The following L3MBTL4 variants were observed in gnomAD, a reference collection of about 807,000 sequenced individuals.
The protein encoded by L3MBTL4 is L3MBTL histone methyl-lysine binding protein 4.
In L3MBTL4, 70 loss-of-function variants were observed where a neutral mutation model predicts 84.5. That is an observed-to-expected ratio of 0.83 (90% CI 0.68 to 1.01). The LOEUF (loss-of-function observed/expected upper bound fraction) is 1.01. L3MBTL4 is among the 50% of genes least tolerant of loss of function. L3MBTL4 has a pLI of 0.00. For synonymous variants in L3MBTL4, 274 were observed against 259.8 expected (o/e 1.05, Z -0.52); for missense variants, 715 against 754.8 (o/e 0.95, Z 0.62).
rs140526865 is a variant in L3MBTL4 at position 5,955,951 on chromosome 18, T to C, written c.*269A>G. On this transcript the variant is annotated 3_prime_UTR_variant, in exon 19 of 19. Transcript: ENST00000317931. ...GGTGGATGTGTGGGCTTCTTTGGTC[T>C]GTCTTGCAAACAAATCAGAGCTGAG... 484 of 326,336 alleles carry C rather than the reference T, an allele frequency of 1.5e-3. No individual in the cohort carries two copies. Among genetic ancestry groups the C allele is most frequent in the African/African-American group, 9.0e-3 (426 of 47,276 alleles). 20.2% of individuals were successfully genotyped at this position (326,336 alleles called of 1,614,324 possible).
rs973176592 is a variant in L3MBTL4, at chr18:6,377,290, T to G, written c.-91+37511A>C. Among the ~76,000 whole-genome samples, 11 of 152,194 alleles carry G rather than the reference T, an allele frequency of 7.2e-5. 1 individual carries two copies. Among genetic ancestry groups the G allele is most frequent in the African/African-American group, 2.7e-4 (11 of 41,452 alleles). On this transcript the variant is annotated intron_variant, in intron 1 of 18. Transcript: ENST00000317931. ...CCTCCTCTCCTGGCCGTGTCCACTT[T>G]TCTTCATACGAGTTTCCTGAGTTGG...
chr18:6,276,250 C>T (rs1293820664), intron 4 of L3MBTL4, among the ~76,000 whole-genome samples: 1 of 152,192 alleles, frequency 6.6e-6, no homozygotes, highest in Admixed American at 6.5e-5. Context: ...TAAAATGAAG[C>T]TGTGCCTGGA....
chr18:5,992,099 C>T (rs984528570), intron 16 of L3MBTL4, among the ~76,000 whole-genome samples: 6 of 152,142 alleles, frequency 3.9e-5, no homozygotes, highest in African/African-American at 1.4e-4. Flanking sequence ...CTCATGAACT[C>T]ATGGTCCAGC....
chr18:6,070,251 G>A (rs2057541117), intron 16 of L3MBTL4, among the ~76,000 whole-genome samples: 1 of 152,022 alleles, frequency 6.6e-6, no homozygotes, highest in Non-Finnish European at 1.5e-5. Flanking sequence ...TAGTAAAACT[G>A]CTAAAAATGA....
intron 13 of L3MBTL4, among the ~76,000 whole-genome samples, chr18:6,159,143 A>G (rs1598945353): frequency 6.6e-6 from 1 of 152,296 alleles, no homozygotes; most frequent in East Asian, 1.9e-4. Context: ...TGCCTCATGC[A>G]GCATTGCTGA....
chr18:5,959,877 C>T (rs534043610), intron 18 of L3MBTL4, among the ~76,000 whole-genome samples: 4 of 152,166 alleles, frequency 2.6e-5, no homozygotes, highest in Admixed American at 2.6e-4. Flanking sequence ...ACTGACCCAG[C>T]TTGGTCTCAC....
chr18:6,046,867 C>A, intron 16 of L3MBTL4: 1 of 632,432 alleles, frequency 1.6e-6, no homozygotes, highest in Non-Finnish European at 2.9e-6. Context: ...TATAAACTAA[C>A]CCCAAAACTA....
chr18:5,992,816 C>A (rs773153953), intron 16 of L3MBTL4, among the ~76,000 whole-genome samples: 1 of 152,204 alleles, frequency 6.6e-6, no homozygotes, highest in Admixed American at 6.5e-5. Flanking sequence ...CCAGAAGCCA[C>A]GCAGGTGCCG....
At chr18:6,030,831 C>T (rs1287287367) in intron 16 of L3MBTL4, 1 of 985,148 alleles carries the variant, frequency 1.0e-6, no homozygotes, top group Non-Finnish European at 1.2e-6. Flanking sequence ...CATTTTAAAA[C>T]AGGCACACTA....
intron 16 of L3MBTL4, among the ~76,000 whole-genome samples, chr18:6,022,922 G>A (rs1253252231): frequency 2.6e-5 from 4 of 152,172 alleles, no homozygotes; most frequent in Non-Finnish European, 5.9e-5. Flanking sequence ...CACACTGCTC[G>A]GGTTTGACTC....
chr18:6,348,395 C>T (rs1263862316), intron 1 of L3MBTL4, among the ~76,000 whole-genome samples: 1 of 151,954 alleles, frequency 6.6e-6, no homozygotes, highest in Non-Finnish European at 1.5e-5. Flanking sequence ...AACAGCATGA[C>T]CCCAACAGAA....
At chr18:6,172,376 T>C (rs1300028550) in intron 12 of L3MBTL4, among the ~76,000 whole-genome samples, 1 of 152,062 alleles carries the variant, frequency 6.6e-6, no homozygotes, top group South Asian at 2.1e-4. Context: ...ATACACAGAT[T>C]AGAGTATAAA....
intron 16 of L3MBTL4, among the ~76,000 whole-genome samples, chr18:6,028,046 T>A (rs2055593219): frequency 6.6e-6 from 1 of 152,230 alleles, no homozygotes; most frequent in South Asian, 2.1e-4. Flanking sequence ...TTTGACTAGA[T>A]CCCATTTGTC....
intron 1 of L3MBTL4, among the ~76,000 whole-genome samples, chr18:6,327,482 A>G (rs1449292372): frequency 6.6e-6 from 1 of 152,206 alleles, no homozygotes; most frequent in Non-Finnish European, 1.5e-5. Context: ...TATAAAATAT[A>G]TTTGAACCAA....
At chr18:6,374,371 A>G (rs2144239851) in intron 1 of L3MBTL4, 1 of 154,930 alleles carries the variant, frequency 6.5e-6, no homozygotes, top group South Asian at 2.0e-4. Context: ...GTGTTTGCTA[A>G]AACATTTTAT....
intron 12 of L3MBTL4, 67 bp from the exon 13 acceptor site, chr18:6,172,009 A>G (rs1394898495): frequency 3.3e-5 from 24 of 721,356 alleles, no homozygotes; most frequent in Non-Finnish European, 5.1e-5. Flanking sequence ...GTATCAAAAT[A>G]TTTGAATACA....
intron 1 of L3MBTL4, among the ~76,000 whole-genome samples, chr18:6,390,459 G>T (rs1446224643): frequency 6.6e-6 from 1 of 151,846 alleles, no homozygotes; most frequent in Non-Finnish European, 1.5e-5. Flanking sequence ...GCTAGCAGAA[G>T]AAAAGAAATA....
chr18:6,056,055 T>C (rs1338829685), intron 16 of L3MBTL4, among the ~76,000 whole-genome samples: 4 of 152,150 alleles, frequency 2.6e-5, no homozygotes, highest in Non-Finnish European at 5.9e-5. Context: ...TTTCCTCTAC[T>C]TTGTTTTAAA....
chr18:6,056,847 G>A (rs2057043160), intron 16 of L3MBTL4, among the ~76,000 whole-genome samples: 1 of 152,112 alleles, frequency 6.6e-6, no homozygotes, highest in Non-Finnish European at 1.5e-5. Context: ...TGCAGATCAA[G>A]TGCCTCAACA....
Sources: gnomAD v4.1 joint callset for allele counts (sites outside exome capture counted in the v4.1 genomes callset) on GRCh38, gnomAD v4.1.1 for gene constraint, MANE v1.5 for transcripts, NCBI Gene and HGNC (gene_info 2026-07-23, HGNC 2026-07-21) for gene names.